The following ADGRL2 variants were observed in gnomAD, a reference collection of about 807,000 sequenced individuals.
The protein encoded by ADGRL2 is adhesion G protein-coupled receptor L2.
In ADGRL2, 44 loss-of-function variants were observed where a neutral mutation model predicts 157.4. The ratio of observed to expected loss-of-function variants is 0.28; its 90% CI spans 0.22 to 0.36. The LOEUF (loss-of-function observed/expected upper bound fraction) is 0.36, where lower values mean the gene tolerates loss of function less well. Ranked by LOEUF, ADGRL2 falls within the 10% of genes least tolerant of loss-of-function variation. ADGRL2 has a pLI of 1.00. For missense variants in ADGRL2, 1,510 were observed against 1,768.9 expected, an observed-to-expected ratio of 0.85 and a Z score of 2.63; for synonymous variants, 585 against 624.7, an observed-to-expected ratio of 0.94 and a Z score of 0.95.
chr1:81,803,107 A>G (rs1173187219), intron 1 of ADGRL2, among the ~76,000 whole-genome samples: 1 of 152,054 alleles, frequency 6.6e-6, no homozygotes, highest in African/African-American at 2.4e-5. Context: ...GCTGTGGGGC[A>G]GGGAGCCTCG....
intron 3 of ADGRL2, among the ~76,000 whole-genome samples, chr1:81,650,574 C>CAAAAA (rs1180168819): frequency 2.6e-4 from 16 of 62,310 alleles, no homozygotes; most frequent in Admixed American, 3.6e-4. Context: ...GACTCCATCT[C>CAAAAA]AAAAAAAAAA....
chr1:81,716,397 C>T (rs1049820127), intron 1 of ADGRL2, among the ~76,000 whole-genome samples: 1 of 152,006 alleles, frequency 6.6e-6, no homozygotes, highest in East Asian at 1.9e-4. Flanking sequence ...GTTCTTATAC[C>T]CAAAGCATCT....
chr1:81,595,556 A>T (rs1490736579), intron 3 of ADGRL2, among the ~76,000 whole-genome samples: 1 of 152,224 alleles, frequency 6.6e-6, no homozygotes, highest in African/African-American at 2.4e-5. Flanking sequence ...TGCTAAAACT[A>T]AATTTGCACC....
At chr1:81,721,159 A>C (rs2084303448) in intron 1 of ADGRL2, among the ~76,000 whole-genome samples, 1 of 150,400 alleles carries the variant, frequency 6.6e-6, no homozygotes, top group African/African-American at 2.5e-5. Context: ...GGTGTGAGCC[A>C]CCGCACCCCG....
At chr1:81,729,469 T>C (rs1468047549) in intron 1 of ADGRL2, among the ~76,000 whole-genome samples, 1 of 152,196 alleles carries the variant, frequency 6.6e-6, no homozygotes, top group East Asian at 1.9e-4. Flanking sequence ...GAACTACCTC[T>C]TGCAATGCCA....
intron 2 of ADGRL2, among the ~76,000 whole-genome samples, chr1:81,865,831 G>A (rs2093527003): frequency 6.6e-6 from 1 of 152,180 alleles, no homozygotes; most frequent in African/African-American, 2.4e-5. Context: ...CATTTAAAGA[G>A]AAAACAGTTT....
At chr1:81,340,554 C>T (rs1251208949) in intron 1 of ADGRL2, among the ~76,000 whole-genome samples, 2 of 152,102 alleles carry the variant, frequency 1.3e-5, no homozygotes, top group African/African-American at 4.8e-5. Flanking sequence ...GAAGCATTCA[C>T]ACATTATCTA....
intron 2 of ADGRL2, among the ~76,000 whole-genome samples, chr1:81,469,003 C>T (rs565605983): frequency 1.6e-3 from 242 of 152,238 alleles, no homozygotes; most frequent in African/African-American, 5.6e-3. Flanking sequence ...TCCCACATCA[C>T]GAGATGACTT....
intron 2 of ADGRL2, among the ~76,000 whole-genome samples, chr1:81,549,050 CCT>C (rs1557449921): frequency 2.6e-5 from 4 of 152,220 alleles, no homozygotes; most frequent in South Asian, 4.1e-4. Context: ...AGAAATGAGC[CCT>C]CTCCCATGTT....
chr1:81,335,891 T>G (rs903060892), intron 1 of ADGRL2, among the ~76,000 whole-genome samples: 1 of 152,046 alleles, frequency 6.6e-6, no homozygotes, highest in Non-Finnish European at 1.5e-5. Flanking sequence ...CTTTCCTTCA[T>G]GGAGTTTACC....
intron 2 of ADGRL2, among the ~76,000 whole-genome samples, chr1:81,843,774 A>T (rs917181866): frequency 6.6e-6 from 1 of 152,210 alleles, no homozygotes; most frequent in Non-Finnish European, 1.5e-5. Flanking sequence ...TACTTTGGTC[A>T]TCTTATATAC....
chr1:81,947,901 C>T (rs1252485144), intron 6 of ADGRL2, among the ~76,000 whole-genome samples: 2 of 151,978 alleles, frequency 1.3e-5, no homozygotes, highest in African/African-American at 2.4e-5. Context: ...AAGTTGATTC[C>T]CTTTAATCTA....
At chr1:81,810,695 A>G (rs2089753014) in intron 1 of ADGRL2, among the ~76,000 whole-genome samples, 1 of 151,562 alleles carries the variant, frequency 6.6e-6, no homozygotes, top group Admixed American at 6.6e-5. Flanking sequence ...ATTTTTTTTT[A>G]GTTTGATGAA....
chr1:81,519,314 G>A (rs1004254583), intron 2 of ADGRL2, among the ~76,000 whole-genome samples: 19 of 152,158 alleles, frequency 1.2e-4, no homozygotes, highest in Middle Eastern at 3.4e-3. Flanking sequence ...TACTTGCCTG[G>A]GTAGGTGTAA....
At chr1:81,489,592 A>C (rs766409897) in intron 2 of ADGRL2, among the ~76,000 whole-genome samples, 2 of 144,838 alleles carry the variant, frequency 1.4e-5, no homozygotes, top group Non-Finnish European at 3.0e-5. Flanking sequence ...ATGATGAAAG[A>C]CATGAATTTG....
intron 2 of ADGRL2, among the ~76,000 whole-genome samples, chr1:81,464,398 A>C (rs2078007245): frequency 6.6e-6 from 1 of 151,618 alleles, no homozygotes; most frequent in African/African-American, 2.4e-5. Flanking sequence ...GCTTAGGTTC[A>C]TTTTAGCTAA....
chr1:81,608,246 A>C (rs898015383), intron 3 of ADGRL2, among the ~76,000 whole-genome samples: 3 of 152,130 alleles, frequency 2.0e-5, no homozygotes, highest in Non-Finnish European at 4.4e-5. Context: ...AGGGTGGGTC[A>C]GAGGGTAGAA....
intron 13 of ADGRL2, among the ~76,000 whole-genome samples, chr1:81,967,263 CTTT>C (rs5775656): frequency 1.5e-4 from 20 of 135,712 alleles, no homozygotes; most frequent in East Asian, 2.3e-4. Context: ...TTGATTGACT[CTTT>C]TTTTTTTTTT....
intron 1 of ADGRL2, among the ~76,000 whole-genome samples, chr1:81,749,631 T>G (rs1175000088): frequency 6.6e-6 from 1 of 152,220 alleles, no homozygotes; most frequent in Non-Finnish European, 1.5e-5. Flanking sequence ...AACTAGACAT[T>G]GGATGCTTTC....
Sources: allele counts gnomAD v4.1 joint callset (sites outside exome capture counted in the v4.1 genomes callset), GRCh38; gene constraint gnomAD v4.1.1; transcripts MANE v1.5; gene names NCBI Gene and HGNC (gene_info 2026-07-23, HGNC 2026-07-21).